The following DPP6 variants were observed in gnomAD, a reference collection of about 807,000 sequenced individuals.
DPP6 encodes the protein dipeptidyl peptidase like 6, also known as A-type potassium channel modulatory protein DPP6.
A neutral mutation model predicts 122.6 loss-of-function variants in DPP6; 69 were observed. The ratio of observed to expected loss-of-function variants is 0.56; its 90% confidence interval spans 0.46 to 0.69. The LOEUF (loss-of-function observed/expected upper bound fraction) is 0.69. Among genes scored for constraint, DPP6 ranks in the 30% least tolerant of loss-of-function variants. The probability of loss-of-function intolerance (pLI) is 0.00; values close to 1 mark genes in which losing one functional copy is unlikely to be tolerated. For missense variants in DPP6, 928 were observed against 1,116.9 expected, an observed-to-expected ratio of 0.83 and a Z score of 2.41; for synonymous variants, 418 against 433.1, an observed-to-expected ratio of 0.97 and a Z score of 0.43.
chr7:154,427,880 T>C (rs572958084), intron 1 of DPP6, among the ~76,000 whole-genome samples: 2 of 152,232 alleles, frequency 1.3e-5, no homozygotes, highest in Non-Finnish European at 2.9e-5. Context: ...AAAGAGTTAA[T>C]TTGCACTGCC....
chr7:154,597,624 T>C (rs1363713992), intron 5 of DPP6, among the ~76,000 whole-genome samples: 2 of 145,762 alleles, frequency 1.4e-5, no homozygotes, highest in Non-Finnish European at 3.0e-5. Context: ...AAAAAAAAAT[T>C]GAGTAGTATA....
intron 3 of DPP6, among the ~76,000 whole-genome samples, chr7:154,496,458 A>G (rs1238357717): frequency 6.6e-6 from 1 of 152,182 alleles, no homozygotes; most frequent in Admixed American, 6.5e-5. Flanking sequence ...AGTGTCATAT[A>G]TTTATCCCAT....
At chr7:154,054,167 G>A (rs924201823) in intron 1 of DPP6, among the ~76,000 whole-genome samples, 14 of 151,948 alleles carry the variant, frequency 9.2e-5, no homozygotes, top group African/African-American at 2.9e-4. Flanking sequence ...GGGTCCCACC[G>A]GCCTCTCACT....
chr7:154,127,631 A>ACACACACACACACG (rs1490857492), intron 1 of DPP6, among the ~76,000 whole-genome samples: 20 of 103,808 alleles, frequency 1.9e-4, no homozygotes, highest in African/African-American at 8.7e-4. Flanking sequence ...ACACACACAC[A>ACACACACACACACG]CAGACACACA....
chr7:154,207,894 G>GTT (rs1799531945), intron 1 of DPP6, among the ~76,000 whole-genome samples: 1 of 151,756 alleles, frequency 6.6e-6, no homozygotes, highest in Non-Finnish European at 1.5e-5. Context: ...GGCAGAGGTT[G>GTT]CAGTGGGCCA....
intron 1 of DPP6, among the ~76,000 whole-genome samples, chr7:153,918,466 A>ACACACACACT (rs1379555083): frequency 7.8e-4 from 75 of 95,982 alleles, no homozygotes; most frequent in African/African-American, 2.7e-3. Context: ...ACACACACAC[A>ACACACACACT]CTCTCTCTCT....
intron 1 of DPP6, among the ~76,000 whole-genome samples, chr7:153,997,674 C>G (rs1362310482): frequency 6.7e-6 from 1 of 149,452 alleles, no homozygotes; most frequent in Non-Finnish European, 1.5e-5. Context: ...CTTAAGCACA[C>G]AAAAATTAAG....
At chr7:154,782,364 A>G (rs1315874763) in intron 10 of DPP6, among the ~76,000 whole-genome samples, 1 of 152,230 alleles carries the variant, frequency 6.6e-6, no homozygotes, top group Non-Finnish European at 1.5e-5. Flanking sequence ...AAATGCTTCA[A>G]TATCTCTCTT....
intron 1 of DPP6, among the ~76,000 whole-genome samples, chr7:153,958,198 A>G (rs1795155636): frequency 6.6e-6 from 1 of 152,110 alleles, no homozygotes; most frequent in Non-Finnish European, 1.5e-5. Context: ...ATAGACCACA[A>G]AATAGACAAT....
rs148850435 is a variant in DPP6 at position 154,303,621 on chromosome 7, C to T, written c.244-142593C>T. On this transcript the variant is annotated intron_variant, in intron 1 of 25. Transcript: ENST00000377770. Reference sequence around the variant, plus strand: ...ACCACTGCTATACCCACCCCTGGACCTCCCTGTCCCATGCAGGAGTCTAAG... The same window carrying T: ...ACCACTGCTATACCCACCCCTGGACTTCCCTGTCCCATGCAGGAGTCTAAG... Among the ~76,000 whole-genome samples the T allele has an allele frequency of 8.5e-4, 129 of 152,302 alleles. 1 individual carries two copies. Among genetic ancestry groups the T allele is most frequent in the African/African-American group, 3.1e-3 (127 of 41,570 alleles).
At chr7:153,983,410 G>A (rs39136) in intron 1 of DPP6, among the ~76,000 whole-genome samples, 36,331 of 152,180 alleles carry the variant, frequency 0.24, 4,770 homozygotes, top group East Asian at 0.38. Flanking sequence ...CCAAGCTTGA[G>A]CATCCCAGGT....
rs543991644 is a variant in DPP6, at chr7:154,455,391, C to G, written c.358+9063C>G. The stretch of plus-strand genomic sequence containing the variant: ...GGAAGCAGCCTTCAGTGTCCACCAC[C>G]ACGAGCAAGACCCCTTGATTTGTGA... On this transcript the variant is annotated intron_variant, in intron 2 of 25. Coordinates refer to ENST00000377770, the MANE Select transcript of DPP6 (RefSeq NM_130797.4). 4.6e-5 allele frequency among the ~76,000 whole-genome samples: 7 copies of G among 152,224 alleles called. No individual in the cohort carries two copies. In the East Asian group the frequency reaches 1.4e-3, roughly 29 times the overall value.
chr7:153,901,901 A>C (rs879831673), intron 1 of DPP6, among the ~76,000 whole-genome samples: 1 of 152,212 alleles, frequency 6.6e-6, no homozygotes, highest in Non-Finnish European at 1.5e-5. Flanking sequence ...TATTAAATGC[A>C]AATGAGGGGA....
chr7:154,510,428 G>A (rs1335946654), intron 3 of DPP6, among the ~76,000 whole-genome samples: 1 of 152,130 alleles, frequency 6.6e-6, no homozygotes, highest in Non-Finnish European at 1.5e-5. Context: ...GACCAGGCAC[G>A]GTGGCTCATG....
chr7:153,834,937 C>T, the DPP6 span, among the ~76,000 whole-genome samples: 1 of 152,134 alleles, frequency 6.6e-6, no homozygotes, highest in Non-Finnish European at 1.5e-5. Context: ...CTCAGCAACT[C>T]AATACAGTGC....
At chr7:154,728,863 CTCTTTA>C (rs1189486649) in intron 8 of DPP6, among the ~76,000 whole-genome samples, 4 of 152,130 alleles carry the variant, frequency 2.6e-5, no homozygotes, top group African/African-American at 9.7e-5. Flanking sequence ...ATCTTTTTAT[CTCTTTA>C]TAAGGGCATG....
intron 6 of DPP6, among the ~76,000 whole-genome samples, chr7:154,668,219 A>ATATATATATATATATAT (rs1554430259): frequency 1.6e-3 from 86 of 54,294 alleles, no homozygotes; most frequent in Non-Finnish European, 2.8e-3. Context: ...ATATATATAT[A>ATATATATATATATATAT]ATATACACAT....
At chr7:154,660,594 T>C (rs2131042783) in intron 6 of DPP6, among the ~76,000 whole-genome samples, 1 of 136,848 alleles carries the variant, frequency 7.3e-6, no homozygotes, top group Non-Finnish European at 1.6e-5. Context: ...GTTCATATAG[T>C]CATGGTGAAT....
chr7:154,091,440 T>G (rs1480620011), intron 1 of DPP6, among the ~76,000 whole-genome samples: 1 of 152,184 alleles, frequency 6.6e-6, no homozygotes, highest in African/African-American at 2.4e-5. Flanking sequence ...ATGCATTTCT[T>G]GTAACCCTGG....
Sources: allele counts gnomAD v4.1 joint callset (sites outside exome capture counted in the v4.1 genomes callset), GRCh38; gene constraint gnomAD v4.1.1; transcripts MANE v1.5; gene names NCBI Gene and HGNC (gene_info 2026-07-23, HGNC 2026-07-21).